TNRC6B: variants seen among roughly 807,000 people sequenced by gnomAD.
The protein encoded by TNRC6B is trinucleotide repeat containing adaptor 6B, also known as trinucleotide repeat-containing gene 6B protein.
In TNRC6B, 52 loss-of-function variants were observed where a neutral mutation model predicts 203.6. The observed-to-expected ratio is 0.26, with a 90% confidence interval of 0.20 to 0.32. The LOEUF is 0.32. TNRC6B is among the 10% of genes least tolerant of loss of function. The probability of loss-of-function intolerance (pLI) is 1.00; values close to 1 mark genes in which losing one functional copy is unlikely to be tolerated. For missense variants in TNRC6B, 1,923 were observed against 2,286.2 expected (o/e 0.84, Z 3.24); for synonymous variants, 838 against 845.7 (o/e 0.99, Z 0.16).
chr22:40,276,766 C>A (rs907203558), intron 7 of TNRC6B: 2 of 208,426 alleles, frequency 9.6e-6, no homozygotes, highest in African/African-American at 4.6e-5. Flanking sequence ...TGAAAGTAGT[C>A]GTGTGCAAAA....
intron 1 of TNRC6B, among the ~76,000 whole-genome samples, chr22:40,056,181 T>C (rs2067793934): frequency 6.6e-6 from 1 of 152,234 alleles, no homozygotes; most frequent in African/African-American, 2.4e-5. Context: ...TGCTTTCAGT[T>C]GCAGGATGTC....
At chr22:40,134,842 C>A (rs1218172503) in intron 3 of TNRC6B, among the ~76,000 whole-genome samples, 1 of 152,186 alleles carries the variant, frequency 6.6e-6, no homozygotes, top group Non-Finnish European at 1.5e-5. Flanking sequence ...TAAATCTAAA[C>A]CTGTTCTAAA....
At chr22:40,128,715 G>A (rs1232328900) in intron 3 of TNRC6B, among the ~76,000 whole-genome samples, 3 of 151,644 alleles carry the variant, frequency 2.0e-5, no homozygotes, top group Non-Finnish European at 4.4e-5. Flanking sequence ...TAGAGACAGA[G>A]TCTTGCTGTG....
At chr22:40,139,430 C>G (rs1243375889) in intron 3 of TNRC6B, among the ~76,000 whole-genome samples, 1 of 149,954 alleles carries the variant, frequency 6.7e-6, no homozygotes, top group Non-Finnish European at 1.5e-5. Flanking sequence ...CTCCTGGGTT[C>G]CAGTGATTCT....
intron 3 of TNRC6B, among the ~76,000 whole-genome samples, chr22:40,145,305 T>C (rs1246282955): frequency 2.0e-5 from 3 of 152,026 alleles, no homozygotes; most frequent in African/African-American, 7.2e-5. Context: ...AAAGTGTGTG[T>C]ATTTTTCTGC....
chr22:40,218,623 G>T (rs138026), intron 1 of TNRC6B, among the ~76,000 whole-genome samples: 93,488 of 151,982 alleles, frequency 0.62, 33,415 homozygotes, highest in East Asian at 0.99. Context: ...CCACTGCACC[G>T]GGCTGAGGCA....
At chr22:40,075,156 A>ATATATATATATATTTTTT in intron 1 of TNRC6B, among the ~76,000 whole-genome samples, 2 of 35,556 alleles carry the variant, frequency 5.6e-5, no homozygotes, top group African/African-American at 2.1e-4. Flanking sequence ...ATATATATAT[A>ATATATATATATATTTTTT]TTTTTTTTTT....
intron 7 of TNRC6B, among the ~76,000 whole-genome samples, chr22:40,276,130 G>A (rs555293771): frequency 1.3e-5 from 2 of 152,180 alleles, no homozygotes; most frequent in East Asian, 1.9e-4. Flanking sequence ...AGCGGATCAC[G>A]AGGTGAGGAG....
chr22:40,049,334 ACT>A (rs918860876), intron 1 of TNRC6B, among the ~76,000 whole-genome samples: 5 of 151,210 alleles, frequency 3.3e-5, no homozygotes, highest in East Asian at 2.0e-4. Flanking sequence ...AGCTTTCTTA[ACT>A]CTCTGCCTTT....
At chr22:40,145,067 CAAA>C (rs768152120) in intron 3 of TNRC6B, among the ~76,000 whole-genome samples, 2 of 96,112 alleles carry the variant, frequency 2.1e-5, no homozygotes. Flanking sequence ...TCTAGCTCCA[CAAA>C]AAAAAAAAAA....
chr22:40,224,504 T>C (rs1471375555), intron 1 of TNRC6B, among the ~76,000 whole-genome samples: 1 of 152,188 alleles, frequency 6.6e-6, no homozygotes. Context: ...ATATAAATGC[T>C]GATTTTTTTC....
At chr22:40,250,560 A>C (rs979478332) in intron 2 of TNRC6B, among the ~76,000 whole-genome samples, 4 of 152,200 alleles carry the variant, frequency 2.6e-5, no homozygotes, top group African/African-American at 4.8e-5. Flanking sequence ...GTTGATAATA[A>C]CAGCAAACAT....
At chr22:40,049,421 C>T (rs190430032) in intron 1 of TNRC6B, among the ~76,000 whole-genome samples, 8 of 152,176 alleles carry the variant, frequency 5.3e-5, no homozygotes, top group African/African-American at 1.2e-4. Flanking sequence ...ACTTCTATCC[C>T]GGAGATAAAC....
chr22:40,186,796 G>A (rs899954441), intron 1 of TNRC6B, among the ~76,000 whole-genome samples: 5 of 150,612 alleles, frequency 3.3e-5, no homozygotes, highest in African/African-American at 4.9e-5. Flanking sequence ...CAGTAATATC[G>A]ACTTTATTTA....
chr22:40,088,214 C>A (rs1025952366), intron 1 of TNRC6B, among the ~76,000 whole-genome samples: 1 of 152,074 alleles, frequency 6.6e-6, no homozygotes, highest in South Asian at 2.1e-4. Context: ...TCACATCATA[C>A]AGAAAAGAGA....
At chr22:40,228,194 G>A (rs1323910950) in intron 1 of TNRC6B, among the ~76,000 whole-genome samples, 5 of 152,112 alleles carry the variant, frequency 3.3e-5, no homozygotes, top group East Asian at 2.0e-4. Flanking sequence ...TTGGGAGGCC[G>A]AGGCAGGCGG....
chr22:40,234,998 A>G (rs1276017140), intron 1 of TNRC6B, among the ~76,000 whole-genome samples: 1 of 152,214 alleles, frequency 6.6e-6, no homozygotes, highest in Admixed American at 6.5e-5. Flanking sequence ...AAACATTTTA[A>G]GTGGATACTT....
intron 3 of TNRC6B, among the ~76,000 whole-genome samples, chr22:40,137,465 A>G (rs991108619): frequency 2.0e-5 from 3 of 152,362 alleles, no homozygotes; most frequent in Non-Finnish European, 2.9e-5. Context: ...AAGTCAGTTT[A>G]TAGAACTATA....
At chr22:40,287,776 T>C (rs1280908017) in intron 12 of TNRC6B, among the ~76,000 whole-genome samples, 1 of 152,194 alleles carries the variant, frequency 6.6e-6, no homozygotes, top group East Asian at 1.9e-4. Context: ...GCCATCTCTC[T>C]CTCTGCAGCC....
Sources: allele counts gnomAD v4.1 joint callset (sites outside exome capture counted in the v4.1 genomes callset), GRCh38; gene constraint gnomAD v4.1.1; transcripts MANE v1.5; gene names NCBI Gene and HGNC (gene_info 2026-07-23, HGNC 2026-07-21).